DGKH: variants seen among roughly 807,000 people sequenced by gnomAD.
DGKH encodes the protein DAG kinase eta.
A neutral mutation model predicts 159.3 loss-of-function variants in DGKH; 90 were observed. The ratio of observed to expected loss-of-function variants is 0.57; its 90% CI spans 0.48 to 0.67. The LOEUF is 0.67. Ranked by LOEUF, DGKH falls within the 30% of genes least tolerant of loss-of-function variation. The pLI is 0.00. For synonymous variants in DGKH, 536 were observed against 553.8 expected, an observed-to-expected ratio of 0.97 and a Z score of 0.45; for missense variants, 1,181 against 1,506.1, an observed-to-expected ratio of 0.78 and a Z score of 3.57.
chr13:42,203,271 C>T (rs565847746), intron 20 of DGKH, among the ~76,000 whole-genome samples: 7 of 152,128 alleles, frequency 4.6e-5, no homozygotes, highest in African/African-American at 1.7e-4. Flanking sequence ...TTATTCAGTT[C>T]GGAAGAGTAA....
At chr13:42,133,170 C>CA (rs34669948) in intron 3 of DGKH, among the ~76,000 whole-genome samples, 85,707 of 141,598 alleles carry the variant, frequency 0.61, 25,776 homozygotes, top group African/African-American at 0.67. Flanking sequence ...GACTTTGTCT[C>CA]AAAAAAAAAA....
intron 1 of DGKH, among the ~76,000 whole-genome samples, chr13:42,058,749 G>A (rs1461852939): frequency 6.6e-6 from 1 of 152,200 alleles, no homozygotes; most frequent in African/African-American, 2.4e-5. Context: ...ACAGGTGAGA[G>A]TGATGTCTGT....
chr13:42,210,521 T>C (rs577823127), intron 23 of DGKH, 81 bp from the exon 24 acceptor site: 2 of 1,346,950 alleles, frequency 1.5e-6, no homozygotes, highest in African/African-American at 1.5e-5. Flanking sequence ...GAAAAAGCAA[T>C]TGTAGTTTTA....
intron 1 of DGKH, among the ~76,000 whole-genome samples, chr13:42,116,394 G>C (rs754623893): frequency 3.9e-5 from 6 of 152,142 alleles, no homozygotes; most frequent in Non-Finnish European, 2.9e-5. Context: ...CTCCCATGAC[G>C]CCAAATTCCA....
chr13:42,155,239 C>G (rs1309611982), intron 3 of DGKH, 52 bp from the exon 4 acceptor site: 4 of 1,408,208 alleles, frequency 2.8e-6, no homozygotes, highest in Non-Finnish European at 3.9e-6. Flanking sequence ...GGTTTTGCAA[C>G]AATCTTTCTC....
intron 1 of DGKH, among the ~76,000 whole-genome samples, chr13:42,056,636 TCTG>T (rs1881780533): frequency 2.0e-5 from 3 of 152,216 alleles, no homozygotes; most frequent in Non-Finnish European, 4.4e-5. Flanking sequence ...AGCAGTTCCT[TCTG>T]ATGATTGTAC....
intron 1 of DGKH, among the ~76,000 whole-genome samples, chr13:42,116,023 A>G (rs1408382122): frequency 6.6e-6 from 1 of 152,224 alleles, no homozygotes; most frequent in African/African-American, 2.4e-5. Context: ...TGATGATAAT[A>G]TCTTGACATG....
chr13:42,165,499 TC>T (rs888092081), intron 8 of DGKH, 66 bp downstream of exon 8: 22 of 852,996 alleles, frequency 2.6e-5, no homozygotes, highest in Non-Finnish European at 3.8e-5. Context: ...ATATTTCTTT[TC>T]CTAGAATAAT....
At chr13:42,227,591 G>A (rs920992645) in intron 29 of DGKH, among the ~76,000 whole-genome samples, 2 of 152,178 alleles carry the variant, frequency 1.3e-5, no homozygotes, top group East Asian at 1.9e-4. Flanking sequence ...TTGCTTTTAA[G>A]CTTGATACTT....
At chr13:42,184,041 G>A (rs1342985090) in intron 13 of DGKH, among the ~76,000 whole-genome samples, 1 of 152,156 alleles carries the variant, frequency 6.6e-6, no homozygotes, top group Admixed American at 6.5e-5. Context: ...ATTTAGATTT[G>A]GAATCTACTT....
intron 20 of DGKH, among the ~76,000 whole-genome samples, chr13:42,201,384 T>C (rs1957343761): frequency 6.6e-6 from 1 of 152,126 alleles, no homozygotes; most frequent in Non-Finnish European, 1.5e-5. Flanking sequence ...GTGAAATAGA[T>C]GGGTAAGTGA....
At chr13:42,048,052 G>A (rs891677230), upstream of DGKH, among the ~76,000 whole-genome samples, 3 of 146,342 alleles carry the variant, frequency 2.0e-5, no homozygotes, top group African/African-American at 5.0e-5. This position sits in a 1 kb window ranked among gnomAD's most constrained non-coding sequence, Gnocchi z 6.7. Context: ...ACTGAACGCC[G>A]CCGTCAGGAG....
At chr13:42,148,464 A>T (rs1312259421) in intron 3 of DGKH, among the ~76,000 whole-genome samples, 1 of 152,110 alleles carries the variant, frequency 6.6e-6, no homozygotes, top group Non-Finnish European at 1.5e-5. Context: ...TGAAATCTTC[A>T]TGGAGTGCTC....
chr13:42,236,238 T>C lies in DGKH; in HGVS notation c.*7050T>C, dbSNP rs1384521292. The C allele has an allele frequency of 6.6e-6, 1 of 152,212 alleles. No individual in the cohort carries two copies. The highest frequency in any genetic ancestry group is 2.1e-4 in the South Asian group (1 of 4,832). 9.4% of individuals were successfully genotyped at this position (152,212 alleles called of 1,614,324 possible). A position where few individuals can be genotyped will look rare whatever the true frequency, so the allele number is the denominator to read the frequency against. On this transcript the variant is annotated 3_prime_UTR_variant, in exon 30 of 30. Coordinates refer to ENST00000337343, the MANE Select transcript of DGKH (RefSeq NM_178009.5). ...CTTTATATGAAATACATATTCTAGC[T>C]CTTTTCCTTTTTACTGCTGTTGTTT...
chr13:42,217,772 G>A (rs1315538167), intron 26 of DGKH, among the ~76,000 whole-genome samples: 1 of 152,226 alleles, frequency 6.6e-6, no homozygotes, highest in East Asian at 1.9e-4. Flanking sequence ...AGTGGCTCAC[G>A]CCTGTAATTC....
At chr13:42,131,270 G>T (rs1367982714) in intron 3 of DGKH, among the ~76,000 whole-genome samples, 1 of 152,152 alleles carries the variant, frequency 6.6e-6, no homozygotes, top group Non-Finnish European at 1.5e-5. Flanking sequence ...TTGTTCTTTT[G>T]TTGTGTTTTA....
At chr13:42,113,828 A>T (rs1360378909) in intron 1 of DGKH, among the ~76,000 whole-genome samples, 1 of 152,152 alleles carries the variant, frequency 6.6e-6, no homozygotes, top group Non-Finnish European at 1.5e-5. Context: ...AGGGCAAATA[A>T]AAGGAAAAAG....
At position 42,090,401 on chromosome 13, in the gene DGKH, G is replaced by A. The variant is rs76871949; in HGVS notation, c.193-37062G>A. 8.9e-3 allele frequency among the ~76,000 whole-genome samples: 1,356 copies of A among 152,054 alleles called. 17 individuals carry two copies. Among genetic ancestry groups the A allele is most frequent in the Non-Finnish European group, 9.8e-3 (669 of 67,948 alleles). On this transcript the variant is annotated intron_variant, in intron 1 of 29. Coordinates refer to ENST00000337343, the MANE Select transcript of DGKH (RefSeq NM_178009.5). ...ATTTTTTTCATAAATAGAAAAATACGTTCTAAATTTCATGTAGAATCTCAA... is the reference window on the plus strand; with the variant it reads ...ATTTTTTTCATAAATAGAAAAATACATTCTAAATTTCATGTAGAATCTCAA...
At position 42,236,123 on chromosome 13, in the gene DGKH, T is replaced by C. The variant is rs1471141267; in HGVS notation, c.*6935T>C. 1 of 152,222 alleles carries C rather than the reference T, an allele frequency of 6.6e-6. No individual in the cohort carries two copies. Among genetic ancestry groups the C allele is most frequent in the Admixed American group, 6.5e-5 (1 of 15,286 alleles). The allele number at this position is 152,222 out of a possible 1,614,324, so 9.4% of individuals were successfully genotyped here. A position where few individuals can be genotyped will look rare whatever the true frequency, so the allele number is the denominator to read the frequency against. Reference sequence around the variant, plus strand: ...GCAGTGCTGGTGTCAGCAAAGTCAGTAACAGACAGTATTACTTGTAATCAT... The same window carrying C: ...GCAGTGCTGGTGTCAGCAAAGTCAGCAACAGACAGTATTACTTGTAATCAT... On this transcript the variant is annotated 3_prime_UTR_variant, in exon 30 of 30. Coordinates refer to ENST00000337343, the MANE Select transcript of DGKH (RefSeq NM_178009.5).
Sources: gnomAD v4.1 joint callset for allele counts (sites outside exome capture counted in the v4.1 genomes callset) on GRCh38, gnomAD v4.1.1 for gene constraint, Gnocchi (gnomAD v3.1) non-coding constraint, MANE v1.5 for transcripts, NCBI Gene and HGNC (gene_info 2026-07-23, HGNC 2026-07-21) for gene names.